PCDH7: variants seen among roughly 807,000 people sequenced by gnomAD.
PCDH7 encodes protocadherin 7, also known as protocadherin-7.
PCDH7 carries 17 observed loss-of-function variants against 58.9 expected under a neutral mutation model. The observed-to-expected ratio is 0.29, with a 90% CI of 0.20 to 0.43. The LOEUF is 0.43. Among genes scored for constraint, PCDH7 ranks in the 20% least tolerant of loss-of-function variants. PCDH7 has a pLI of 1.00. For synonymous variants in PCDH7, 664 were observed against 616.4 expected (o/e 1.08, Z -1.14); for missense variants, 1,274 against 1,441.0 (o/e 0.88, Z 1.88).
At chr4:31,104,978 A>G (rs1326678347) in intron 3 of PCDH7, among the ~76,000 whole-genome samples, 1 of 152,254 alleles carries the variant, frequency 6.6e-6, no homozygotes, top group Non-Finnish European at 1.5e-5. Flanking sequence ...CTTAAGGAAC[A>G]CATGACAATT....
chr4:30,731,080 T>A lies in PCDH7; in HGVS notation c.*292T>A, dbSNP rs571657564. 2.2e-4 allele frequency: 248 copies of A among 1,115,944 alleles called. 2 individuals are homozygous for A. The African/African-American group carries it at 3.6e-3, about 16-fold the overall frequency. 69.1% of individuals were successfully genotyped at this position (1,115,944 alleles called of 1,614,324 possible). A position where few individuals can be genotyped will look rare whatever the true frequency, so the allele number is the denominator to read the frequency against. On this transcript the variant is annotated 3_prime_UTR_variant, in exon 2 of 2. Coordinates refer to ENST00000361762, the Ensembl canonical transcript of PCDH7. ...TAGCACCTATTAGACGTAACAGTGATGTCTTTTAAAAAATCCAAAAGCATA... is the reference window on the plus strand; with the variant it reads ...TAGCACCTATTAGACGTAACAGTGAAGTCTTTTAAAAAATCCAAAAGCATA...
intron 1 of PCDH7, among the ~76,000 whole-genome samples, chr4:30,824,151 CTT>C (rs1728806468): frequency 1.1e-5 from 1 of 90,368 alleles, no homozygotes; most frequent in African/African-American, 4.4e-5. Flanking sequence ...TTCTTTCTTT[CTT>C]TCTTTCTTTT....
At chr4:30,953,053 A>G (rs1489989492) in intron 3 of PCDH7, among the ~76,000 whole-genome samples, 1 of 152,154 alleles carries the variant, frequency 6.6e-6, no homozygotes, top group African/African-American at 2.4e-5. Context: ...AAATTTTAAG[A>G]GTGGATAGAG....
At chr4:31,115,301 A>G (rs945818648) in intron 3 of PCDH7, among the ~76,000 whole-genome samples, 6 of 152,080 alleles carry the variant, frequency 3.9e-5, no homozygotes, top group African/African-American at 1.4e-4. Flanking sequence ...AAGTATGTTA[A>G]CTGGTATTAT....
chr4:30,845,847 C>T (rs1421168433), intron 1 of PCDH7, among the ~76,000 whole-genome samples: 1 of 152,114 alleles, frequency 6.6e-6, no homozygotes, highest in African/African-American at 2.4e-5. Context: ...CCTGCAGCTG[C>T]CTCCCAAAGT....
intron 3 of PCDH7, among the ~76,000 whole-genome samples, chr4:31,093,490 C>T (rs1713533260): frequency 6.6e-6 from 1 of 151,916 alleles, no homozygotes; most frequent in Non-Finnish European, 1.5e-5. Context: ...AGTAGAATAC[C>T]ATACAGAGCT....
chr4:30,723,848 A>C lies in PCDH7; in HGVS notation c.2426A>C (p.Gln809Pro). ...GTTTCCTTAGTGGGAAAACTCACCC[A>C]AAAGCATTATGGCTTGCACAGGTTG... Residue 809 changes from glutamine (Q) to proline (P), a missense_variant, in exon 1 of 2, where the codon CAA becomes CCA. By Grantham distance (76) the Gln-to-Pro change is moderately conservative. Coordinates refer to ENST00000361762, the Ensembl canonical transcript of PCDH7. This position sits in a 1 kb window ranked among gnomAD's most constrained non-coding sequence, Gnocchi z 4.6. The C allele has an allele frequency of 1.2e-6, 2 of 1,614,198 alleles. No homozygotes were observed. The highest frequency in any genetic ancestry group is 1.3e-5 in the African/African-American group (1 of 75,066).
At chr4:31,015,287 C>T (rs1753516537) in intron 3 of PCDH7, among the ~76,000 whole-genome samples, 1 of 152,126 alleles carries the variant, frequency 6.6e-6, no homozygotes, top group Non-Finnish European at 1.5e-5. Context: ...AAATCCAATC[C>T]ACATCGCACT....
At chr4:31,090,405 T>C (rs1313259970) in intron 3 of PCDH7, among the ~76,000 whole-genome samples, 1 of 151,966 alleles carries the variant, frequency 6.6e-6, no homozygotes, top group Non-Finnish European at 1.5e-5. Context: ...GCATTTATCC[T>C]TTGTGTTACA....
intron 2 of PCDH7, among the ~76,000 whole-genome samples, chr4:30,924,860 G>A (rs1487984332): frequency 3.3e-5 from 5 of 150,014 alleles, no homozygotes; most frequent in Admixed American, 6.7e-5. Flanking sequence ...TCTGTAGGTA[G>A]ACTTTCTTAA....
At chr4:30,897,699 T>C (rs952924761) in intron 1 of PCDH7, among the ~76,000 whole-genome samples, 4 of 152,208 alleles carry the variant, frequency 2.6e-5, no homozygotes, top group Non-Finnish European at 1.5e-5. Flanking sequence ...TGTAATCAGG[T>C]TAGCCGAACT....
intron 2 of PCDH7, among the ~76,000 whole-genome samples, chr4:30,937,775 A>G (rs944715864): frequency 6.6e-6 from 1 of 152,012 alleles, no homozygotes; most frequent in African/African-American, 2.4e-5. Flanking sequence ...TAAATTTCCT[A>G]TTCTAATATA....
At chr4:30,783,185 T>C (rs1348173518) in intron 1 of PCDH7, 2 of 152,120 alleles carry the variant, frequency 1.3e-5, no homozygotes, top group African/African-American at 2.4e-5. Context: ...GGTTTCCTAG[T>C]ATTAAAAAAG....
intron 3 of PCDH7, among the ~76,000 whole-genome samples, chr4:31,135,764 CTAAG>C (rs35331053): frequency 6.2e-4 from 95 of 152,248 alleles, no homozygotes; most frequent in African/African-American, 1.3e-3. Context: ...AATATTCACA[CTAAG>C]TGAGACAAAA....
At chr4:30,730,323 T>C (rs1292750067) in intron 1 of PCDH7, among the ~76,000 whole-genome samples, 1 of 152,122 alleles carries the variant, frequency 6.6e-6, no homozygotes, top group African/African-American at 2.4e-5. Context: ...ATAGAATCTT[T>C]TCTAAAGCAG....
intron 1 of PCDH7, among the ~76,000 whole-genome samples, chr4:30,803,361 T>A (rs1040872501): frequency 6.6e-6 from 1 of 152,140 alleles, no homozygotes; most frequent in African/African-American, 2.4e-5. Context: ...TCATTGAGAA[T>A]GGTGATGATT....
At chr4:30,868,631 A>T (rs968748392) in intron 1 of PCDH7, among the ~76,000 whole-genome samples, 4 of 152,160 alleles carry the variant, frequency 2.6e-5, no homozygotes, top group South Asian at 2.1e-4. Context: ...TGGAAAAAAA[A>T]ATCTATGTTT....
At chr4:30,956,201 C>T (rs939160469) in intron 3 of PCDH7, among the ~76,000 whole-genome samples, 3 of 151,090 alleles carry the variant, frequency 2.0e-5, no homozygotes, top group African/African-American at 7.3e-5. Flanking sequence ...GCACTCCAGC[C>T]TGGGCAACAG....
chr4:30,909,828 T>C (rs1237121766), intron 1 of PCDH7, among the ~76,000 whole-genome samples: 1 of 152,142 alleles, frequency 6.6e-6, no homozygotes, highest in South Asian at 2.1e-4. Flanking sequence ...AAAAATACTT[T>C]AAATTTCATT....
Sources: gnomAD v4.1 joint callset for allele counts (sites outside exome capture counted in the v4.1 genomes callset) on GRCh38, gnomAD v4.1.1 for gene constraint, Gnocchi (gnomAD v3.1) non-coding constraint, MANE v1.5 for transcripts, NCBI Gene and HGNC (gene_info 2026-07-23, HGNC 2026-07-21) for gene names.